The following FSTL4 variants were observed in gnomAD, a reference collection of about 807,000 sequenced individuals.
FSTL4 encodes follistatin like 4.
FSTL4 carries 28 observed loss-of-function variants against 78.2 expected under a neutral mutation model. The ratio of observed to expected loss-of-function variants is 0.36; its 90% confidence interval spans 0.27 to 0.49. The LOEUF is 0.49. Ranked by LOEUF, FSTL4 falls within the 20% of genes least tolerant of loss-of-function variation. FSTL4 has a pLI of 0.98. For synonymous variants in FSTL4, 422 were observed against 440.5 expected (o/e 0.96, Z 0.53); for missense variants, 922 against 1,084.9 (o/e 0.85, Z 2.11).
intron 2 of FSTL4, among the ~76,000 whole-genome samples, chr5:133,573,704 T>C (rs2112950609): frequency 6.6e-6 from 1 of 152,358 alleles, no homozygotes; most frequent in South Asian, 2.1e-4. Flanking sequence ...ATAGAAGAGT[T>C]GAACACTATA....
chr5:133,676,118 G>A, the FSTL4 span, among the ~76,000 whole-genome samples: 1 of 152,216 alleles, frequency 6.6e-6, no homozygotes, highest in Non-Finnish European at 1.5e-5. Flanking sequence ...GGCGTCGTTA[G>A]AGACCACAGC....
chr5:133,327,407 T>A (rs924212104), intron 4 of FSTL4, among the ~76,000 whole-genome samples: 1 of 152,236 alleles, frequency 6.6e-6, no homozygotes, highest in African/African-American at 2.4e-5. Flanking sequence ...AACACAGTTT[T>A]AGCAAACATG....
intron 2 of FSTL4, among the ~76,000 whole-genome samples, chr5:133,577,456 G>A (rs1044827820): frequency 6.6e-6 from 1 of 152,138 alleles, no homozygotes; most frequent in Non-Finnish European, 1.5e-5. Flanking sequence ...CTGCCTTAAA[G>A]AACAGTCAAA....
Position 133,338,917 on chromosome 5 carries a change from C to T in FSTL4, c.410-22265G>A, listed in dbSNP as rs1039568377. On this transcript the variant is annotated intron_variant, in intron 4 of 15. Coordinates refer to ENST00000265342, the MANE Select transcript of FSTL4 (RefSeq NM_015082.2). The surrounding 1 kb of genome is among the most constrained non-coding windows in gnomAD (Gnocchi z 4.0). ...ACCACCTCTGCTGTAGTTCAGGAAG[C>T]CATTAACACCCCCGGATGACCACTA... 6.6e-6 allele frequency among the ~76,000 whole-genome samples: 1 copy of T among 152,080 alleles called. No individual in the cohort carries two copies. Among genetic ancestry groups the T allele is most frequent in the Admixed American group, 6.6e-5 (1 of 15,258 alleles).
chr5:133,210,337 G>A, intron 13 of FSTL4, 39 bp from the exon 14 acceptor site: 1 of 1,205,054 alleles, frequency 8.3e-7, no homozygotes, highest in Non-Finnish European at 1.2e-6. Flanking sequence ...AAGCTGACAT[G>A]ATGGTCATTT....
the FSTL4 span, among the ~76,000 whole-genome samples, chr5:133,780,273 A>T: frequency 6.6e-6 from 1 of 152,152 alleles, no homozygotes; most frequent in East Asian, 1.9e-4. Flanking sequence ...ACACGTGGGG[A>T]TATGGGCAGA....
At chr5:133,735,057 C>A in the FSTL4 span, among the ~76,000 whole-genome samples, 1 of 152,204 alleles carries the variant, frequency 6.6e-6, no homozygotes, top group Non-Finnish European at 1.5e-5. Context: ...TCCCAACAGG[C>A]CTTGCAGCAT....
chr5:133,531,053 C>A (rs1366461004), intron 3 of FSTL4, among the ~76,000 whole-genome samples: 1 of 152,190 alleles, frequency 6.6e-6, no homozygotes. Context: ...CTGGATAGGG[C>A]CGATATTCTT....
chr5:133,693,949 T>G, the FSTL4 span, among the ~76,000 whole-genome samples: 1 of 152,188 alleles, frequency 6.6e-6, no homozygotes, highest in Non-Finnish European at 1.5e-5. Context: ...ATTCAGTCCA[T>G]AGACTCACAT....
intron 6 of FSTL4, among the ~76,000 whole-genome samples, chr5:133,297,629 A>C (rs1008539148): frequency 6.6e-6 from 1 of 152,214 alleles, no homozygotes; most frequent in Non-Finnish European, 1.5e-5. Flanking sequence ...ATGTCACAGC[A>C]CAGCCACCAG....
the FSTL4 span, among the ~76,000 whole-genome samples, chr5:133,813,266 C>T: frequency 6.6e-6 from 1 of 152,190 alleles, no homozygotes; most frequent in African/African-American, 2.4e-5. Flanking sequence ...ATACATTTTA[C>T]TTAACGTAAC....
chr5:133,772,216 C>A, the FSTL4 span, among the ~76,000 whole-genome samples: 1 of 152,094 alleles, frequency 6.6e-6, no homozygotes, highest in Non-Finnish European at 1.5e-5. Context: ...ATTTGGCTTT[C>A]CATTTGTTGG....
chr5:133,679,237 G>A, the FSTL4 span, among the ~76,000 whole-genome samples: 1 of 152,106 alleles, frequency 6.6e-6, no homozygotes, highest in African/African-American at 2.4e-5. Context: ...TGCCTAGCAT[G>A]TACCCAAATT....
intron 3 of FSTL4, among the ~76,000 whole-genome samples, chr5:133,539,405 T>G (rs455866): frequency 0.42 from 63,381 of 151,978 alleles, 13,721 homozygotes; most frequent in African/African-American, 0.52. Context: ...AGACTTCTCA[T>G]GTGAGGTTCC....
chr5:133,391,516 G>A (rs866321292), intron 4 of FSTL4, among the ~76,000 whole-genome samples: 2 of 152,174 alleles, frequency 1.3e-5, no homozygotes, highest in Admixed American at 6.5e-5. Flanking sequence ...TGGGCCTCAC[G>A]GAGTAATGAG....
At chr5:133,314,135 G>A (rs1193952918) in intron 5 of FSTL4, among the ~76,000 whole-genome samples, 3 of 152,190 alleles carry the variant, frequency 2.0e-5, no homozygotes, top group Admixed American at 6.5e-5. Flanking sequence ...ACAAGCTGAT[G>A]CCACCTGCCC....
Position 133,596,196 on chromosome 5 carries a change from G to C in FSTL4, c.126+7662C>G, listed in dbSNP as rs1341494271. 2.0e-5 allele frequency among the ~76,000 whole-genome samples: 3 copies of C among 151,134 alleles called. No individual in the cohort carries two copies. In the East Asian group the frequency reaches 5.8e-4, roughly 29 times the overall value. On this transcript the variant is annotated intron_variant, in intron 2 of 15. Coordinates refer to ENST00000265342, the MANE Select transcript of FSTL4 (RefSeq NM_015082.2). ...AGCCAAGCAGGCCACCAGAAGCACTGAGGACTTTCAGCCTGAGCAGGGGAA... is the reference window on the plus strand; with the variant it reads ...AGCCAAGCAGGCCACCAGAAGCACTCAGGACTTTCAGCCTGAGCAGGGGAA...
chr5:133,486,019 G>A (rs1291506229), intron 3 of FSTL4, among the ~76,000 whole-genome samples: 3 of 152,194 alleles, frequency 2.0e-5, no homozygotes, highest in Non-Finnish European at 4.4e-5. Context: ...CAAAGGCCCA[G>A]CTCCTGGGGG....
In FSTL4 at chr5:133,361,939, T is replaced by C. The variant is rs1363513394; in HGVS notation, c.409+38799A>G. On this transcript the variant is annotated intron_variant, in intron 4 of 15. Transcript: ENST00000265342. This position sits in a 1 kb window ranked among gnomAD's most constrained non-coding sequence, Gnocchi z 4.3. Reference sequence around the variant, plus strand: ...GTAGTTGAAAACATATTTATAATTATTTGAGCCTAGAACCTAACTCTAGTT... The same window carrying C: ...GTAGTTGAAAACATATTTATAATTACTTGAGCCTAGAACCTAACTCTAGTT... 2.0e-5 allele frequency among the ~76,000 whole-genome samples: 3 copies of C among 152,262 alleles called. No individual in the cohort carries two copies. The highest frequency in any genetic ancestry group is 7.2e-5 in the African/African-American group (3 of 41,478).
Sources: gnomAD v4.1 joint callset for allele counts (sites outside exome capture counted in the v4.1 genomes callset) on GRCh38, gnomAD v4.1.1 for gene constraint, Gnocchi (gnomAD v3.1) non-coding constraint, MANE v1.5 for transcripts, NCBI Gene and HGNC (gene_info 2026-07-23, HGNC 2026-07-21) for gene names.